The following RAPGEF4 variants were observed in gnomAD, a reference collection of about 807,000 sequenced individuals.
RAPGEF4 encodes RAP guanine-nucleotide-exchange factor (GEF) 4.
RAPGEF4 carries 66 observed loss-of-function variants against 147.9 expected under a neutral mutation model. That is an observed-to-expected ratio of 0.45 (90% CI 0.37 to 0.55). The LOEUF is 0.55. Ranked by LOEUF, RAPGEF4 falls within the 20% of genes least tolerant of loss-of-function variation. RAPGEF4 has a pLI of 0.00. For missense variants in RAPGEF4, 1,071 were observed against 1,257.3 expected, an observed-to-expected ratio of 0.85 and a Z score of 2.24; for synonymous variants, 419 against 442.7, an observed-to-expected ratio of 0.95 and a Z score of 0.67.
intron 1 of RAPGEF4, among the ~76,000 whole-genome samples, chr2:172,791,070 A>G (rs1257134273): frequency 2.0e-5 from 3 of 152,228 alleles, no homozygotes; most frequent in Non-Finnish European, 4.4e-5. Context: ...CCTTTTTTAT[A>G]GCAGCATTAA....
chr2:173,040,446 A>T (rs2106036533), intron 29 of RAPGEF4, among the ~76,000 whole-genome samples: 1 of 152,194 alleles, frequency 6.6e-6, no homozygotes, highest in South Asian at 2.1e-4. Flanking sequence ...CCAGTCATCC[A>T]TCGTCAAGGC....
chr2:172,795,043 C>T lies in RAPGEF4; in HGVS notation c.84C>T (p.Ser28=), dbSNP rs754948655. The T allele has an allele frequency of 7.4e-6, 12 of 1,613,702 alleles. No individual in the cohort carries two copies. The highest frequency in any genetic ancestry group is 5.0e-5 in the Admixed American group (3 of 59,996). Residue 28 remains serine, a synonymous_variant, in exon 2 of 31, where the codon AGC becomes AGT. Coordinates refer to ENST00000397081, the MANE Select transcript of RAPGEF4 (RefSeq NM_007023.4). ...CLDKRPLERS[S]EDVDIIFTRL... is the part of the protein sequence containing the mutation. ...TATACAGACCACTGGAGCGATCCAG[C>T]GAAGATGTGGATATAATCTTCACTC...
intron 1 of RAPGEF4, among the ~76,000 whole-genome samples, chr2:172,743,432 T>C (rs1694478059): frequency 6.6e-6 from 1 of 152,204 alleles, no homozygotes; most frequent in Non-Finnish European, 1.5e-5. Context: ...CCATGCCAGC[T>C]CTTTCTTGGC....
At chr2:173,016,324 A>C in intron 18 of RAPGEF4, 25 bp from the exon 19 acceptor site, 1 of 1,539,494 alleles carries the variant, frequency 6.5e-7, no homozygotes, top group Non-Finnish European at 9.0e-7. Context: ...TCTTGTTAAA[A>C]GCCTGTGACT....
intron 1 of RAPGEF4, among the ~76,000 whole-genome samples, chr2:172,784,307 T>A (rs985357739): frequency 5.9e-5 from 9 of 152,112 alleles, no homozygotes; most frequent in Non-Finnish European, 1.3e-4. Context: ...TCATGAGGTC[T>A]GGAGATCGAG....
intron 4 of RAPGEF4, among the ~76,000 whole-genome samples, chr2:172,902,747 A>G (rs550371754): frequency 6.6e-6 from 1 of 152,228 alleles, no homozygotes; most frequent in African/African-American, 2.4e-5. Context: ...GGTGAGACTC[A>G]TAAGAACATA....
chr2:172,789,928 G>A (rs1285937220), intron 1 of RAPGEF4, among the ~76,000 whole-genome samples: 1 of 152,220 alleles, frequency 6.6e-6, no homozygotes, highest in Non-Finnish European at 1.5e-5. Flanking sequence ...GAACATGGAA[G>A]TGTGAATATC....
chr2:172,888,364 C>T (rs1341539650), intron 4 of RAPGEF4, among the ~76,000 whole-genome samples: 2 of 152,190 alleles, frequency 1.3e-5, no homozygotes, highest in Non-Finnish European at 2.9e-5. Flanking sequence ...AGTCTGTTGT[C>T]CTTTCCATGT....
At chr2:172,890,674 C>T (rs1283106221) in intron 4 of RAPGEF4, among the ~76,000 whole-genome samples, 1 of 152,168 alleles carries the variant, frequency 6.6e-6, no homozygotes, top group East Asian at 1.9e-4. Flanking sequence ...CATGAATCTG[C>T]AAGAAGCAGG....
At chr2:173,036,073 G>A in intron 27 of RAPGEF4, 52 bp from the exon 28 acceptor site, 1 of 1,332,500 alleles carries the variant, frequency 7.5e-7, no homozygotes, top group Non-Finnish European at 1.1e-6. Context: ...AGGTAACAAA[G>A]GGTGGTGTAT....
intron 23 of RAPGEF4, among the ~76,000 whole-genome samples, chr2:173,024,131 C>T (rs930408140): frequency 6.6e-6 from 1 of 152,208 alleles, no homozygotes; most frequent in Non-Finnish European, 1.5e-5. Context: ...AAATTGGGAG[C>T]AACAGTATTT....
At position 172,793,155 on chromosome 2, in the gene RAPGEF4, C is replaced by T. The variant is rs563043033; in HGVS notation, c.66-1870C>T. On this transcript the variant is annotated intron_variant, in intron 1 of 30. Transcript: ENST00000397081. ...GGATGCATCACTCCAGTCTCTGTCA[C>T]CACCTCCAAATGGCTGTTTTCCCGG... 5.3e-5 allele frequency among the ~76,000 whole-genome samples: 8 copies of T among 152,312 alleles called. No homozygotes were observed. In the East Asian group the frequency reaches 1.5e-3, roughly 29 times the overall value.
intron 4 of RAPGEF4, among the ~76,000 whole-genome samples, chr2:172,817,832 C>T (rs1188753760): frequency 6.7e-6 from 1 of 149,444 alleles, no homozygotes; most frequent in African/African-American, 2.5e-5. Context: ...AATATGGAAC[C>T]AACTCAAATG....
At chr2:172,881,969 G>A (rs1311996795) in intron 4 of RAPGEF4, among the ~76,000 whole-genome samples, 1 of 152,116 alleles carries the variant, frequency 6.6e-6, no homozygotes, top group Non-Finnish European at 1.5e-5. Flanking sequence ...GCTGGGAGTT[G>A]GAAATCCCTT....
chr2:172,805,977 A>G (rs1252329433), intron 3 of RAPGEF4, among the ~76,000 whole-genome samples: 2 of 151,992 alleles, frequency 1.3e-5, no homozygotes, highest in East Asian at 3.9e-4. Context: ...AAAACAATAA[A>G]TAGGATTATA....
chr2:172,999,680 A>G (rs1693707623), intron 16 of RAPGEF4, among the ~76,000 whole-genome samples: 1 of 152,250 alleles, frequency 6.6e-6, no homozygotes, highest in Non-Finnish European at 1.5e-5. Flanking sequence ...TCCAGTGTTC[A>G]TGTTTTTGAT....
At chr2:172,745,724 A>AT (rs1179278708) in intron 1 of RAPGEF4, among the ~76,000 whole-genome samples, 1 of 152,040 alleles carries the variant, frequency 6.6e-6, no homozygotes, top group Admixed American at 6.6e-5. Context: ...AAGCACAGGT[A>AT]TTTTTTTATT....
chr2:172,940,865 T>A (rs549445701), intron 6 of RAPGEF4, among the ~76,000 whole-genome samples: 1 of 152,328 alleles, frequency 6.6e-6, no homozygotes, highest in Admixed American at 6.5e-5. Flanking sequence ...GAACATGGAA[T>A]ATGTCTCTAT....
intron 3 of RAPGEF4, among the ~76,000 whole-genome samples, chr2:172,812,490 G>A (rs996338467): frequency 2.6e-5 from 4 of 152,164 alleles, no homozygotes; most frequent in Non-Finnish European, 4.4e-5. Context: ...GATTATTGGC[G>A]AAAGACAGGC....
Sources: allele counts gnomAD v4.1 joint callset (sites outside exome capture counted in the v4.1 genomes callset), GRCh38; gene constraint gnomAD v4.1.1; transcripts MANE v1.5; gene names NCBI Gene and HGNC (gene_info 2026-07-23, HGNC 2026-07-21).